The following NAV2 variants were observed in gnomAD, a reference collection of about 807,000 sequenced individuals.
NAV2 encodes the protein helicase, APC down-regulated 1.
Under a neutral mutation model 223.2 loss-of-function variants are expected in NAV2, and 54 were observed. The ratio of observed to expected loss-of-function variants is 0.24; its 90% CI spans 0.19 to 0.30. NAV2 has a LOEUF of 0.30. Ranked by LOEUF, NAV2 falls within the 10% of genes least tolerant of loss-of-function variation. The probability of loss-of-function intolerance (pLI) is 1.00; values close to 1 mark genes in which losing one functional copy is unlikely to be tolerated. For missense variants in NAV2, 2,806 were observed against 3,147.5 expected (o/e 0.89, Z 2.60); for synonymous variants, 1,279 against 1,239.3 (o/e 1.03, Z -0.67).
At chr11:19,861,229 G>C (rs1282848737) in intron 3 of NAV2, among the ~76,000 whole-genome samples, 1 of 152,176 alleles carries the variant, frequency 6.6e-6, no homozygotes, top group Non-Finnish European at 1.5e-5. Flanking sequence ...GTGTGAATTT[G>C]TTTATCAGCA....
intron 35 of NAV2, among the ~76,000 whole-genome samples, chr11:20,106,218 T>TAC (rs2062082144): frequency 1.0e-4 from 11 of 107,000 alleles, no homozygotes; most frequent in African/African-American, 3.4e-4. Flanking sequence ...TATATATATA[T>TAC]ATATATATAT....
intron 20 of NAV2, among the ~76,000 whole-genome samples, chr11:20,067,267 A>C (rs2059108480): frequency 6.6e-6 from 1 of 152,074 alleles, no homozygotes; most frequent in Non-Finnish European, 1.5e-5. Flanking sequence ...TCACTTTGAG[A>C]TCTTTCTACC....
At chr11:20,024,648 A>C (rs2054872558) in intron 11 of NAV2, among the ~76,000 whole-genome samples, 1 of 152,244 alleles carries the variant, frequency 6.6e-6, no homozygotes, top group African/African-American at 2.4e-5. Flanking sequence ...CCCAAGAAAG[A>C]GAGAGCTTAA....
chr11:19,730,765 A>T (rs1254570070), intron 1 of NAV2, among the ~76,000 whole-genome samples: 1 of 152,102 alleles, frequency 6.6e-6, no homozygotes, highest in Non-Finnish European at 1.5e-5. Context: ...GATCATAGTC[A>T]GCTCCTTCTA....
chr11:19,888,092 C>G (rs1274604218), intron 5 of NAV2, among the ~76,000 whole-genome samples: 1 of 152,118 alleles, frequency 6.6e-6, no homozygotes, highest in African/African-American at 2.4e-5. Context: ...ATGGCTCTAA[C>G]AGCAGCAGGA....
intron 6 of NAV2, among the ~76,000 whole-genome samples, chr11:19,904,222 C>G (rs1377417279): frequency 6.6e-6 from 1 of 152,122 alleles, no homozygotes. Flanking sequence ...GGAATTCAGT[C>G]CTTCATATAT....
At chr11:19,811,200 C>T (rs2058820152) in intron 1 of NAV2, among the ~76,000 whole-genome samples, 1 of 152,088 alleles carries the variant, frequency 6.6e-6, no homozygotes, top group Admixed American at 6.6e-5. Flanking sequence ...GAATCCACAC[C>T]CTTTCTGTTG....
At chr11:19,402,836 A>G (rs1849743555) in intron 1 of NAV2, among the ~76,000 whole-genome samples, 1 of 152,224 alleles carries the variant, frequency 6.6e-6, no homozygotes, top group South Asian at 2.1e-4. Context: ...ATATTTGTGA[A>G]CTGAATGTAT....
rs1565315770 is a variant in NAV2, at chr11:19,787,266, GGATCTTTT to G, written c.268-45217_268-45210del. On this transcript the variant is annotated intron_variant, in intron 1 of 37. Coordinates refer to ENST00000349880, the MANE Select transcript of NAV2 (RefSeq NM_145117.5). ...CCAACATGCCTGGCTAATTTTTATT[GGATCTTTT>G]TTTTTTTTTTTTTTTTTTTTTTTTG... Among the ~76,000 whole-genome samples the G allele has an allele frequency of 4.8e-5, 4 of 83,030 alleles. 1 individual carries two copies. The highest frequency in any genetic ancestry group is 1.0e-4 in the African/African-American group (2 of 19,806). The allele number at this position is 83,030 out of a possible 152,430, so 54.5% of individuals were successfully genotyped here.
chr11:19,940,964 C>T (rs1010754326), intron 8 of NAV2, among the ~76,000 whole-genome samples: 5 of 152,124 alleles, frequency 3.3e-5, no homozygotes, highest in African/African-American at 4.8e-5. Context: ...GATGGCTGCT[C>T]GAGTCTCCAT....
chr11:20,042,672 C>G (rs1263468503), intron 12 of NAV2, among the ~76,000 whole-genome samples: 3 of 152,062 alleles, frequency 2.0e-5, no homozygotes, highest in Non-Finnish European at 4.4e-5. Flanking sequence ...GGCATTTCTT[C>G]CACTCTTGGA....
At chr11:19,476,605 T>C (rs1367278032) in intron 1 of NAV2, among the ~76,000 whole-genome samples, 1 of 152,164 alleles carries the variant, frequency 6.6e-6, no homozygotes, top group Non-Finnish European at 1.5e-5. Flanking sequence ...TAACATTAGC[T>C]CTGTGGAACA....
intron 1 of NAV2, among the ~76,000 whole-genome samples, chr11:19,397,418 T>TGTGTGTGTGTGTGTGTGC (rs57566081): frequency 0.11 from 15,386 of 144,666 alleles, 998 homozygotes; most frequent in East Asian, 0.21. Flanking sequence ...TGTGTGTGTG[T>TGTGTGTGTGTGTGTGTGC]GCGCGCATGT....
Position 20,023,181 on chromosome 11 carries a change from A to G in NAV2, c.2769-12778A>G, listed in dbSNP as rs1201504372. ...TGGGGCCAGGGGGTGGGTGTGGTGCATGTACTGCCTTGTCTTCCTTGGCCG... is the reference window on the plus strand; with the variant it reads ...TGGGGCCAGGGGGTGGGTGTGGTGCGTGTACTGCCTTGTCTTCCTTGGCCG... On this transcript the variant is annotated intron_variant, in intron 11 of 37. Transcript: ENST00000349880. 1.3e-5 allele frequency: 19 copies of G among 1,516,706 alleles called. No homozygotes were observed. In the Admixed American group the frequency reaches 3.6e-4, roughly 28 times the overall value. The allele number at this position is 1,516,706 out of a possible 1,614,324, so 94.0% of individuals were successfully genotyped here. A position where few individuals can be genotyped will look rare whatever the true frequency, so the allele number is the denominator to read the frequency against.
chr11:19,519,269 G>A (rs1277087362), intron 1 of NAV2, among the ~76,000 whole-genome samples: 6 of 151,518 alleles, frequency 4.0e-5, no homozygotes, highest in Non-Finnish European at 8.9e-5. Flanking sequence ...GGCTTCCCAG[G>A]TGCCTGGATA....
chr11:20,044,590 G>A (rs2057259772), intron 13 of NAV2, among the ~76,000 whole-genome samples: 5 of 152,150 alleles, frequency 3.3e-5, no homozygotes, highest in Admixed American at 2.0e-4. Flanking sequence ...GTGAGTTGAT[G>A]TTGTCCCTGA....
chr11:19,354,387 T>C (rs969567791), intron 1 of NAV2, among the ~76,000 whole-genome samples: 29 of 152,368 alleles, frequency 1.9e-4, no homozygotes, highest in Admixed American at 3.9e-4. Flanking sequence ...TATTGAGTTA[T>C]AATTAGTTTA....
intron 1 of NAV2, among the ~76,000 whole-genome samples, chr11:19,530,370 AATGCAAGGTAGC>A (rs567944196): frequency 1.4e-3 from 219 of 152,332 alleles, no homozygotes; most frequent in African/African-American, 5.0e-3. Flanking sequence ...AGATGGTAAT[AATGCAAGGTAGC>A]ATTTGCTTAG....
intron 34 of NAV2, chr11:20,104,999 C>T (rs1407829334): frequency 6.5e-6 from 1 of 152,880 alleles, no homozygotes; most frequent in African/African-American, 2.4e-5. Context: ...CCAGTCTCAG[C>T]CCAGACATCC....
Sources: allele counts gnomAD v4.1 joint callset (sites outside exome capture counted in the v4.1 genomes callset), GRCh38; gene constraint gnomAD v4.1.1; transcripts MANE v1.5; gene names NCBI Gene and HGNC (gene_info 2026-07-23, HGNC 2026-07-21).